The following ACYP2 variants were observed in gnomAD, a reference collection of about 807,000 sequenced individuals.
The protein encoded by ACYP2 is acylphosphatase-2.
Under a neutral mutation model 11.2 loss-of-function variants are expected in ACYP2, and 12 were observed. That is an observed-to-expected ratio of 1.08 (90% confidence interval 0.69 to 1.74). The LOEUF is 1.74. ACYP2 is among the 40% of genes most tolerant of loss of function. The pLI, the probability that ACYP2 is intolerant of heterozygous loss-of-function variation, is 0.00. For synonymous variants in ACYP2, 43 were observed against 32.2 expected, an observed-to-expected ratio of 1.33 and a Z score of -1.13; for missense variants, 134 against 101.9, an observed-to-expected ratio of 1.31 and a Z score of -1.35.
chr2:53,972,479 C>T (rs945446347), intron 1 of ACYP2, among the ~76,000 whole-genome samples: 30 of 151,970 alleles, frequency 2.0e-4, no homozygotes, highest in African/African-American at 7.2e-4. Flanking sequence ...TGGTGGCGGG[C>T]GCCTGTAGTC....
rs377455363 is a variant in ACYP2, at chr2:54,255,737, A to T, written c.405-48951A>T. The T allele has an allele frequency of 7.4e-6, 12 of 1,612,656 alleles. No homozygotes were observed. In the African/African-American group the frequency reaches 1.5e-4, roughly 20 times the overall value. ...GCCTTCCCCTCTGCAATCACTTCAG[A>T]CTCCGACCTCCCTGCCCCACAGGTT... On this transcript the variant is annotated intron_variant, in intron 6 of 6. Transcript: ENST00000607452.
intron 6 of ACYP2, among the ~76,000 whole-genome samples, chr2:54,139,056 C>G (rs1056927515): frequency 4.6e-5 from 7 of 152,184 alleles, no homozygotes; most frequent in African/African-American, 9.7e-5. Context: ...GTAGGCAGGC[C>G]TGTGAAGAAA....
intron 2 of ACYP2, among the ~76,000 whole-genome samples, chr2:53,986,695 G>C (rs1406952778): frequency 2.0e-5 from 3 of 150,460 alleles, no homozygotes; most frequent in Non-Finnish European, 4.4e-5. Flanking sequence ...TGTGATCTTG[G>C]GTCACTGCAA....
chr2:54,211,832 C>T (rs1350341766), intron 6 of ACYP2, among the ~76,000 whole-genome samples: 3 of 152,172 alleles, frequency 2.0e-5, no homozygotes, highest in Non-Finnish European at 4.4e-5. Context: ...CAGGGTAAGA[C>T]ATAATCAGTG....
chr2:54,040,403 G>A (rs531242179), intron 2 of ACYP2, among the ~76,000 whole-genome samples: 14 of 152,176 alleles, frequency 9.2e-5, no homozygotes, highest in African/African-American at 3.4e-4. Context: ...GTGAATCTGG[G>A]GTATAGGGGA....
intron 6 of ACYP2, among the ~76,000 whole-genome samples, chr2:54,213,710 T>C (rs527986458): frequency 3.8e-4 from 58 of 152,266 alleles, no homozygotes; most frequent in African/African-American, 1.4e-3. Flanking sequence ...CTGTTGGCTC[T>C]GTGTATGCGT....
intron 4 of ACYP2, among the ~76,000 whole-genome samples, chr2:54,096,040 G>A (rs1475486452): frequency 9.0e-6 from 1 of 110,774 alleles, no homozygotes; most frequent in Non-Finnish European, 1.9e-5. Flanking sequence ...GGGGCGGCTG[G>A]CCGGGCGGGG....
chr2:53,995,623 T>C (rs985989028), intron 2 of ACYP2, among the ~76,000 whole-genome samples: 29 of 151,776 alleles, frequency 1.9e-4, no homozygotes, highest in Non-Finnish European at 2.9e-4. Flanking sequence ...CAGCTAATTT[T>C]TTTATTTTTA....
At chr2:54,158,019 CTTTT>C (rs988629182) in intron 6 of ACYP2, among the ~76,000 whole-genome samples, 3 of 151,044 alleles carry the variant, frequency 2.0e-5, no homozygotes, top group African/African-American at 7.3e-5. Context: ...TTCTTTCTTT[CTTTT>C]ATTATTATTA....
At chr2:54,096,845 G>C (rs13429859) in intron 4 of ACYP2, among the ~76,000 whole-genome samples, 29,778 of 151,924 alleles carry the variant, frequency 0.2, 3,963 homozygotes, top group African/African-American at 0.38. Flanking sequence ...GAGGGAGACC[G>C]TGGGGAGAGG....
At chr2:54,016,606 A>AC (rs1673697214) in intron 2 of ACYP2, among the ~76,000 whole-genome samples, 1 of 152,170 alleles carries the variant, frequency 6.6e-6, no homozygotes, top group Non-Finnish European at 1.5e-5. Flanking sequence ...TCTCTGTCTT[A>AC]GTCTGTTTGT....
At chr2:54,165,236 C>T (rs1169262423) in intron 6 of ACYP2, among the ~76,000 whole-genome samples, 3 of 152,032 alleles carry the variant, frequency 2.0e-5, no homozygotes, top group Admixed American at 6.6e-5. Flanking sequence ...ACCTTGCTAA[C>T]GATTTGAAGT....
At chr2:53,979,193 G>A (rs1056333039) in intron 2 of ACYP2, among the ~76,000 whole-genome samples, 18 of 152,274 alleles carry the variant, frequency 1.2e-4, no homozygotes, top group African/African-American at 4.3e-4. Flanking sequence ...GCAACAAGAT[G>A]TGGGGGTAGA....
intron 2 of ACYP2, among the ~76,000 whole-genome samples, chr2:54,045,101 C>T (rs1209020651): frequency 6.6e-6 from 1 of 152,124 alleles, no homozygotes; most frequent in Non-Finnish European, 1.5e-5. Context: ...TCCTTCAGGT[C>T]CTGCATACCA....
chr2:53,979,370 T>C (rs1056812038), intron 2 of ACYP2, among the ~76,000 whole-genome samples: 3 of 152,050 alleles, frequency 2.0e-5, no homozygotes, highest in African/African-American at 7.2e-5. Flanking sequence ...GGCTCACGCT[T>C]GTAATCCCAG....
At chr2:54,281,485 G>A (rs796422813) in intron 6 of ACYP2, among the ~76,000 whole-genome samples, 5 of 152,296 alleles carry the variant, frequency 3.3e-5, no homozygotes, top group African/African-American at 1.2e-4. Flanking sequence ...ATGAGATGAT[G>A]TTGGTGGCTA....
intron 2 of ACYP2, among the ~76,000 whole-genome samples, chr2:53,986,342 CT>C (rs61669504): frequency 0.37 from 52,672 of 142,332 alleles, 9,953 homozygotes; most frequent in East Asian, 0.7. Flanking sequence ...AAGTAAACCT[CT>C]TTTTTTTTTT....
intron 2 of ACYP2, among the ~76,000 whole-genome samples, chr2:54,011,061 A>G (rs1573512798): frequency 6.6e-6 from 1 of 152,132 alleles, no homozygotes; most frequent in East Asian, 1.9e-4. Context: ...CACATTATTA[A>G]TAATCTTGGC....
chr2:54,025,524 A>C (rs188434946), intron 2 of ACYP2, among the ~76,000 whole-genome samples: 1 of 152,222 alleles, frequency 6.6e-6, no homozygotes. Context: ...AGTAAGCTAC[A>C]TGTAAAACAA....
Sources: allele counts gnomAD v4.1 joint callset (sites outside exome capture counted in the v4.1 genomes callset), GRCh38; gene constraint gnomAD v4.1.1; transcripts MANE v1.5; gene names NCBI Gene and HGNC (gene_info 2026-07-23, HGNC 2026-07-21).